Variants in GAA observed in about 807,000 individuals in gnomAD.
GAA encodes the protein alpha glucosidase.
GAA carries 88 observed loss-of-function variants against 103.9 expected under a neutral mutation model. That is an observed-to-expected ratio of 0.85 (90% confidence interval 0.71 to 1.01). The LOEUF (loss-of-function observed/expected upper bound fraction) is 1.01. Ranked by LOEUF, GAA falls within the 50% of genes least tolerant of loss-of-function variation. GAA has a pLI of 0.00. For synonymous variants in GAA, 572 were observed against 563.1 expected (o/e 1.02, Z -0.22); for missense variants, 1,350 against 1,305.3 (o/e 1.03, Z -0.53).
intron 8 of GAA, 59 bp from the exon 9 acceptor site, chr17:80,109,886 C>G: frequency 7.8e-7 from 1 of 1,282,614 alleles, no homozygotes; most frequent in Non-Finnish European, 1.1e-6. Flanking sequence ...TCAGTTTTCC[C>G]CGTGGCTGGC....
chr17:80,115,328 T>C (rs1339761060), intron 15 of GAA, among the ~76,000 whole-genome samples: 1 of 152,164 alleles, frequency 6.6e-6, no homozygotes. Flanking sequence ...TCACTGATTC[T>C]TTTTTCCACC....
chr17:80,116,317 A>T (rs2039351729), intron 15 of GAA, among the ~76,000 whole-genome samples: 1 of 152,192 alleles, frequency 6.6e-6, no homozygotes, highest in Non-Finnish European at 1.5e-5. Flanking sequence ...ATTCACATTG[A>T]TGCGTTAATT....
chr17:80,109,141 C>T (rs2039169379), intron 8 of GAA, among the ~76,000 whole-genome samples: 1 of 151,788 alleles, frequency 6.6e-6, no homozygotes, highest in African/African-American at 2.4e-5. Context: ...AGTGGAGGGC[C>T]CGGTGGGCCT....
intron 19 of GAA, 80 bp from the exon 20 acceptor site, chr17:80,119,192 G>A: frequency 7.1e-7 from 1 of 1,399,448 alleles, no homozygotes; most frequent in South Asian, 1.2e-5. Flanking sequence ...CTCGGGGCCA[G>A]ATGGAGCCGC....
rs752054011 is a variant in GAA at position 80,107,565 on chromosome 17, C to T, written c.701C>T (p.Thr234Met). The T allele has an allele frequency of 1.3e-5, 21 of 1,612,948 alleles. No homozygotes were observed. The highest frequency in any genetic ancestry group is 3.3e-5 in the Admixed American group (2 of 60,002). Residue 234 changes from threonine (T) to methionine (M), a missense_variant, in exon 4 of 20, where the codon ACG becomes ATG. Transcript: ENST00000302262. ...RQLDGRVLLN[T>M]TVAPLFFADQ... ...TGGCCTCTGTCCCGCAGGCTGAACACGACGGTGGCGCCCCTGTTCTTTGCG... is the reference window on the plus strand; with the variant it reads ...TGGCCTCTGTCCCGCAGGCTGAACATGACGGTGGCGCCCCTGTTCTTTGCG...
intron 11 of GAA, chr17:80,111,766 C>T (rs181106950): frequency 3.8e-4 from 217 of 578,408 alleles, no homozygotes; most frequent in African/African-American, 1.2e-3. Context: ...CTCCAGCACC[C>T]GCCCAGCCCT....
intron 17 of GAA, 68 bp downstream of exon 17, chr17:80,117,817 A>G: frequency 6.7e-7 from 1 of 1,501,298 alleles, no homozygotes; most frequent in Non-Finnish European, 9.0e-7. Flanking sequence ...AGGCACAGGG[A>G]GATGGTGGGG....
In GAA at chr17:80,117,714, G is replaced by A. The variant is rs1800314; in HGVS notation, c.2446G>A (p.Val816Ile). 0.032 allele frequency: 52,058 copies of A among 1,611,674 alleles called. 2,449 individuals carry two copies. Among genetic ancestry groups the A allele is most frequent in the African/African-American group, 0.14 (10,781 of 74,984 alleles). ...GCCGGCCCCCCTGGACACCATCAAC[G>A]TCCACCTCCGGGCTGGGTACATCAT... ...TLPAPLDTIN[V>I]HLRAGYIIPL... The change falls in exon 17 of 20, where the codon GTC becomes ATC. Residue 816 changes from valine (V) to isoleucine (I), a missense_variant. Coordinates refer to ENST00000302262, the MANE Select transcript of GAA (RefSeq NM_000152.5).
intron 16 of GAA, 142 bp downstream of exon 16, chr17:80,117,251 C>T (rs756040392): frequency 9.1e-6 from 8 of 879,594 alleles, no homozygotes; most frequent in East Asian, 2.6e-5. Flanking sequence ...GGCCCCCACC[C>T]GGCTGCTCCG....
intron 17 of GAA, 67 bp downstream of exon 17, chr17:80,117,816 G>C: frequency 6.6e-7 from 1 of 1,504,368 alleles, no homozygotes. Flanking sequence ...GAGGCACAGG[G>C]AGATGGTGGG....
chr17:80,119,503 C>G lies in GAA; in HGVS notation c.*172C>G. 1.5e-6 allele frequency: 1 copy of G among 673,462 alleles called. No individual in the cohort carries two copies. Among genetic ancestry groups the G allele is most frequent in the South Asian group, 1.6e-5 (1 of 63,116 alleles). The allele number at this position is 673,462 out of a possible 1,614,324, so 41.7% of individuals were successfully genotyped here. On this transcript the variant is annotated 3_prime_UTR_variant, in exon 20 of 20. Coordinates refer to ENST00000302262, the MANE Select transcript of GAA (RefSeq NM_000152.5). ...TGTTTCCACCTCCTGGGCCGGGGCTCTGGCCCCCAACGTGTCTAGGAGAGC... is the reference window on the plus strand; with the variant it reads ...TGTTTCCACCTCCTGGGCCGGGGCTGTGGCCCCCAACGTGTCTAGGAGAGC...
chr17:80,113,451 G>T, intron 15 of GAA, 85 bp downstream of exon 15: 1 of 1,309,962 alleles, frequency 7.6e-7, no homozygotes, highest in Non-Finnish European at 1.0e-6. Flanking sequence ...CCTGCTGTGG[G>T]CTGTGTTCCC....
chr17:80,119,337 C>A lies in GAA; in HGVS notation c.*6C>A, dbSNP rs761918204. On this transcript the variant is annotated 3_prime_UTR_variant, in exon 20 of 20. Coordinates refer to ENST00000302262, the MANE Select transcript of GAA (RefSeq NM_000152.5). Reference sequence around the variant, plus strand: ...TTCTCGTCAGCTGGTGTTAGCCGGGCGGAGTGTGTTAGTCTCTCCAGAGGG... The same window carrying A: ...TTCTCGTCAGCTGGTGTTAGCCGGGAGGAGTGTGTTAGTCTCTCCAGAGGG... 8 of 1,612,784 alleles carry A rather than the reference C, an allele frequency of 5.0e-6. No homozygotes were observed. The highest frequency in any genetic ancestry group is 6.8e-6 in the Non-Finnish European group (8 of 1,178,980).
chr17:80,109,217 C>T (rs760333518), intron 8 of GAA, among the ~76,000 whole-genome samples: 3 of 152,222 alleles, frequency 2.0e-5, no homozygotes, highest in Non-Finnish European at 2.9e-5. Context: ...TCCTTCTGGC[C>T]GGCTCTGAAT....
In GAA at chr17:80,113,278, C is replaced by T. The variant is rs772378218; in HGVS notation, c.2101C>T (p.Leu701=). 1.9e-6 allele frequency: 3 copies of T among 1,600,832 alleles called. No individual in the cohort carries two copies. In the South Asian group the frequency reaches 3.4e-5, roughly 18 times the overall value. The change falls in exon 15 of 20, where the codon CTG becomes TTG. Residue 701 remains leucine, a synonymous_variant. Transcript: ENST00000302262. ...GCAGGCCATGAGGAAGGCCCTCACCCTGCGCTACGCACTCCTCCCCCACCT... is the reference window on the plus strand; with the variant it reads ...GCAGGCCATGAGGAAGGCCCTCACCTTGCGCTACGCACTCCTCCCCCACCT... The part of the protein sequence containing the change: ...AQQAMRKALT[L]RYALLPHLYT...
Position 80,113,359 on chromosome 17 carries a change from T to A in GAA, c.2182T>A (p.Phe728Ile), listed in dbSNP as rs1232306443. 1 of 1,578,368 alleles carries A rather than the reference T, an allele frequency of 6.3e-7. No individual in the cohort carries two copies. Among genetic ancestry groups the A allele is most frequent in the Non-Finnish European group, 8.6e-7 (1 of 1,160,448 alleles). ...VAGETVARPL[F>I]LEFPKDSSTW... is the part of the protein sequence containing the mutation. ...GGGGGAGACCGTGGCCCGGCCCCTC[T>A]TCCTGGAGTGAGTGACCTAGGCAGG... Residue 728 changes from phenylalanine (F) to isoleucine (I), a missense_variant, in exon 15 of 20, where the codon TTC becomes ATC. Physicochemically the swap from Phe to Ile is conservative, Grantham distance 21. Coordinates refer to ENST00000302262, the MANE Select transcript of GAA (RefSeq NM_000152.5).
intron 1 of GAA, chr17:80,102,374 G>A (rs1036329113): frequency 2.0e-5 from 3 of 152,324 alleles, no homozygotes; most frequent in Non-Finnish European, 2.9e-5. Flanking sequence ...ACCGAGTGAT[G>A]AGAGAGCCTT....
intron 4 of GAA, 35 bp downstream of exon 4, chr17:80,107,757 T>A (rs2039128244): frequency 6.5e-7 from 1 of 1,537,508 alleles, no homozygotes; most frequent in Admixed American, 1.7e-5. Context: ...GGCACTGAGC[T>A]GGGGAGCGCA....
At chr17:80,106,286 C>T (rs1462702785) in intron 3 of GAA, among the ~76,000 whole-genome samples, 2 of 128,420 alleles carry the variant, frequency 1.6e-5, no homozygotes, top group Non-Finnish European at 3.5e-5. Context: ...ATCCTGCTCC[C>T]GGGGACAGAC....
Sources: allele counts gnomAD v4.1 joint callset (sites outside exome capture counted in the v4.1 genomes callset), GRCh38; gene constraint gnomAD v4.1.1; transcripts MANE v1.5; gene names NCBI Gene and HGNC (gene_info 2026-07-23, HGNC 2026-07-21).